The following OR6N2 variants were observed in gnomAD, a reference collection of about 807,000 sequenced individuals.
OR6N2 encodes the protein olfactory receptor family 6 subfamily N member 2.
For synonymous variants in OR6N2, 160 were observed against 138.3 expected, an observed-to-expected ratio of 1.16 and a Z score of -1.10; for missense variants, 399 against 379.7, an observed-to-expected ratio of 1.05 and a Z score of -0.42.
In OR6N2 at chr1:158,774,690, T is replaced by G. The variant is rs1657537089; in HGVS notation, c.*1992A>C. On this transcript the variant is annotated 3_prime_UTR_variant, in exon 2 of 2. Coordinates refer to ENST00000641131, the MANE Select transcript of OR6N2 (RefSeq NM_001005278.2). The stretch of plus-strand genomic sequence containing the variant: ...GAATATTATCTAGGGATAGCTTACA[T>G]GCCCACCAAAGTTTGTGAGTGAAAA... 6.7e-6 allele frequency: 1 copy of G among 149,612 alleles called. No homozygotes were observed. Among genetic ancestry groups the G allele is most frequent in the African/African-American group, 2.5e-5 (1 of 40,292 alleles). 9.3% of individuals were successfully genotyped at this position (149,612 alleles called of 1,614,324 possible).
rs1397420481 is a variant in OR6N2, at chr1:158,777,311, C to T, written c.325G>A (p.Ala109Thr). 4 of 1,614,088 alleles carry T rather than the reference C, an allele frequency of 2.5e-6. No homozygotes were observed. The South Asian group carries it at 3.3e-5, about 13-fold the overall frequency. ...GCTGTAAGAAGGTAGCATTCAGACG[C>T]TCCCAAGGAGTGGAAGAAGTAGGTC... ...LQTYFFHSLG[A>T]SECYLLTAMA... The change falls in exon 2 of 2, where the codon GCG becomes ACG. Residue 109 changes from alanine (A) to threonine (T), a missense_variant. Physicochemically the swap from Ala to Thr is moderately conservative, Grantham distance 58. Coordinates refer to ENST00000641131, the MANE Select transcript of OR6N2 (RefSeq NM_001005278.2).
In OR6N2 at chr1:158,775,471, T is replaced by C. The variant is rs549102361; in HGVS notation, c.*1211A>G. 2 of 152,334 alleles carry C rather than the reference T, an allele frequency of 1.3e-5. No homozygotes were observed. The highest frequency in any genetic ancestry group is 6.5e-5 in the Admixed American group (1 of 15,302). 9.4% of individuals were successfully genotyped at this position (152,334 alleles called of 1,614,324 possible). ...GGAAGGCAGGGAAGAATTCCGTTTA[T>C]AGCCTTATAAAGTATGGTGAGGCTT... On this transcript the variant is annotated 3_prime_UTR_variant, in exon 2 of 2. Transcript: ENST00000641131.
Position 158,775,985 on chromosome 1 carries a change from G to A in OR6N2, c.*697C>T, listed in dbSNP as rs1657583068. ...TAAATCTAAATCTCAGAGAAAAATTGTGGTTTGGAGATAAAAATTTAAGAG... is the reference window on the plus strand; with the variant it reads ...TAAATCTAAATCTCAGAGAAAAATTATGGTTTGGAGATAAAAATTTAAGAG... On this transcript the variant is annotated 3_prime_UTR_variant, in exon 2 of 2. Transcript: ENST00000641131. 6.6e-6 allele frequency: 1 copy of A among 152,138 alleles called. No homozygotes were observed. 9.4% of individuals were successfully genotyped at this position (152,138 alleles called of 1,614,324 possible).
rs374888023 is a variant in OR6N2, at chr1:158,777,636, G to A, written c.-1C>T. The A allele has an allele frequency of 6.3e-7, 1 of 1,587,940 alleles. No individual in the cohort carries two copies. On this transcript the variant is annotated 5_prime_UTR_variant, in exon 2 of 2. Coordinates refer to ENST00000641131, the MANE Select transcript of OR6N2 (RefSeq NM_001005278.2). ...GGCTTGAATGGTTGTATTGATCCAT[G>A]GGAGGCTGAGGTAAAGAAGGAAAGA... is the stretch of plus-strand genomic sequence containing the variant.
At chr1:158,778,764 C>T (rs1215416935) in intron 1 of OR6N2, among the ~76,000 whole-genome samples, 2 of 151,942 alleles carry the variant, frequency 1.3e-5, no homozygotes, top group African/African-American at 4.8e-5. Flanking sequence ...CCTGTAATCC[C>T]AGCATTTTGG....
At position 158,776,888 on chromosome 1, in the gene OR6N2, T is replaced by C. The variant is rs41273541; in HGVS notation, c.748A>G (p.Ile250Val). ...ATGAAGATGATGCTCCCAAAGAAGA[T>C]GAGGACCACAGCAAGATGTGAGGCA... ...TCASHLAVVLIFFGSIIFMYV... is the reference protein window; with the variant it reads ...TCASHLAVVLVFFGSIIFMYV... The change falls in exon 2 of 2, where the codon ATC becomes GTC. Residue 250 changes from isoleucine to valine, a missense_variant. By Grantham distance (29) the Ile-to-Val change is conservative. Transcript: ENST00000641131. 111,923 of 1,613,962 alleles carry C rather than the reference T, an allele frequency of 0.069. 7,726 individuals carry two copies. Among genetic ancestry groups the C allele is most frequent in the South Asian group, 0.27 (24,736 of 91,050 alleles).
Position 158,776,517 on chromosome 1 carries a change from G to A in OR6N2, c.*165C>T. Reference sequence around the variant, plus strand: ...CTTAAATGCTGACATAAGTGATCGAGTAAAAAATAGAAATAAAGATGTAGA... The same window carrying A: ...CTTAAATGCTGACATAAGTGATCGAATAAAAAATAGAAATAAAGATGTAGA... On this transcript the variant is annotated 3_prime_UTR_variant, in exon 2 of 2. Coordinates refer to ENST00000641131, the MANE Select transcript of OR6N2 (RefSeq NM_001005278.2). The A allele has an allele frequency of 2.0e-6, 1 of 492,344 alleles. No individual in the cohort carries two copies. Among genetic ancestry groups the A allele is most frequent in the Non-Finnish European group, 3.6e-6 (1 of 281,620 alleles). The allele number at this position is 492,344 out of a possible 1,614,324, so 30.5% of individuals were successfully genotyped here.
At position 158,777,531 on chromosome 1, in the gene OR6N2, G is replaced by C; in HGVS notation, c.105C>G (p.Tyr35Ter). 2 of 1,614,096 alleles carry C rather than the reference G, an allele frequency of 1.2e-6. No individual in the cohort carries two copies. Among genetic ancestry groups the C allele is most frequent in the Non-Finnish European group, 1.7e-6 (2 of 1,179,984 alleles). The change falls in exon 2 of 2, where the codon TAC becomes TAG. Residue 35 changes from tyrosine to a stop codon, truncating the protein, a stop_gained. Coordinates refer to ENST00000641131, the MANE Select transcript of OR6N2 (RefSeq NM_001005278.2). LOFTEE classifies it low-confidence loss of function (END_TRUNC). Reference protein sequence around the residue: ...GWLFVLLLLAYLFTICGNMLI... With the variant: ...GWLFVLLLLA ...GCATGTTACCACAGATGGTGAACAG[G>C]TATGCCAATAGCAGCAGGACAAAAA...
At position 158,776,748 on chromosome 1, in the gene OR6N2, T is replaced by A. The variant is rs749152567; in HGVS notation, c.888A>T (p.Glu296Asp). ...NPIIYSLRNK[E>D]IIKAIKRTIF... ...TGGTCCTCTTGATAGCTTTAATGAT[T>A]TCCTTGTTACGAAGACTGTAGATAA... Residue 296 changes from glutamate to aspartate, a missense_variant, in exon 2 of 2, where the codon GAA becomes GAT. By Grantham distance (45) the Glu-to-Asp change is conservative (BLOSUM62 2). Transcript: ENST00000641131. The A allele has an allele frequency of 3.3e-5, 53 of 1,613,810 alleles. No individual in the cohort carries two copies. The highest frequency in any genetic ancestry group is 5.0e-5 in the Admixed American group (3 of 59,978).
rs532930327 is a variant in OR6N2 at position 158,778,790 on chromosome 1, A to G, written c.-6-1149T>C. On this transcript the variant is annotated intron_variant, in intron 1 of 1. Coordinates refer to ENST00000641131, the MANE Select transcript of OR6N2 (RefSeq NM_001005278.2). The stretch of plus-strand genomic sequence containing the variant: ...AGCATTTTGGGAGGCTGAGGCGGGT[A>G]GATCACGAGGTCGGGAGATTGAGAC... 2.4e-3 allele frequency among the ~76,000 whole-genome samples: 371 copies of G among 151,866 alleles called. 1 individual carries two copies. Among genetic ancestry groups the G allele is most frequent in the African/African-American group, 8.5e-3 (353 of 41,364 alleles).
At chr1:158,779,643 A>C (rs2102017061) in intron 1 of OR6N2, among the ~76,000 whole-genome samples, 1 of 152,310 alleles carries the variant, frequency 6.6e-6, no homozygotes, top group African/African-American at 2.4e-5. Context: ...GAGACTGTAC[A>C]TTCACCTCTC....
chr1:158,780,251 T>C (rs1375482998), intron 1 of OR6N2, among the ~76,000 whole-genome samples: 1 of 152,210 alleles, frequency 6.6e-6, no homozygotes, highest in Admixed American at 6.5e-5. Context: ...GTTGGTAATG[T>C]TTCCCCTTTA....
rs1486187896 is a variant in OR6N2, at chr1:158,775,301, T to G, written c.*1381A>C. On this transcript the variant is annotated 3_prime_UTR_variant, in exon 2 of 2. Coordinates refer to ENST00000641131, the MANE Select transcript of OR6N2 (RefSeq NM_001005278.2). ...CAGAAAATCACACAATTAGGAGGAG[T>G]GAACCAAATGAAATGTTGGGGAAAA... 1 of 151,832 alleles carries G rather than the reference T, an allele frequency of 6.6e-6. No individual in the cohort carries two copies. Among genetic ancestry groups the G allele is most frequent in the African/African-American group, 2.4e-5 (1 of 41,324 alleles). The allele number at this position is 151,832 out of a possible 1,614,324, so 9.4% of individuals were successfully genotyped here. A position where few individuals can be genotyped will look rare whatever the true frequency, so the allele number is the denominator to read the frequency against.
At chr1:158,777,866 T>C (rs1022304151) in intron 1 of OR6N2, among the ~76,000 whole-genome samples, 5 of 152,242 alleles carry the variant, frequency 3.3e-5, no homozygotes, top group Admixed American at 2.6e-4. Flanking sequence ...TTTACTTAAT[T>C]TTTATACTTC....
intron 1 of OR6N2, among the ~76,000 whole-genome samples, chr1:158,780,717 A>G (rs1289172495): frequency 6.6e-6 from 1 of 152,230 alleles, no homozygotes; most frequent in Non-Finnish European, 1.5e-5. Flanking sequence ...TGTAAAGTAG[A>G]AAAATTGTAA....
In OR6N2 at chr1:158,774,435, A is replaced by T. The variant is rs1657527925; in HGVS notation, c.*2247T>A. 6.6e-6 allele frequency: 1 copy of T among 152,158 alleles called. No individual in the cohort carries two copies. Among genetic ancestry groups the T allele is most frequent in the Admixed American group, 6.5e-5 (1 of 15,272 alleles). The allele number at this position is 152,158 out of a possible 1,614,324, so 9.4% of individuals were successfully genotyped here. A position where few individuals can be genotyped will look rare whatever the true frequency, so the allele number is the denominator to read the frequency against. On this transcript the variant is annotated 3_prime_UTR_variant, in exon 2 of 2. Coordinates refer to ENST00000641131, the MANE Select transcript of OR6N2 (RefSeq NM_001005278.2). ...GAAACAGAAGCCTGGGGTTCATCAC[A>T]AGCCCATTCCCACAGCTCAGGAAAG...
chr1:158,777,253 C>G lies in OR6N2; in HGVS notation c.383G>C (p.Arg128Pro), dbSNP rs140526095. 8,411 of 1,613,978 alleles carry G rather than the reference C, an allele frequency of 5.2e-3. 31 individuals are homozygous for G. Among genetic ancestry groups the G allele is most frequent in the Non-Finnish European group, 6.0e-3 (7,065 of 1,180,002 alleles). ...CATAATTATAGGGTAGTGGAGGGGCCGACAAATGGCCAGGTATCTATCATA... is the reference window on the plus strand; with the variant it reads ...CATAATTATAGGGTAGTGGAGGGGCGGACAAATGGCCAGGTATCTATCATA... The part of the protein sequence containing the change: ...MAYDRYLAIC[R>P]PLHYPIIMTT... The change falls in exon 2 of 2, where the codon CGG becomes CCG. Residue 128 changes from arginine (R) to proline (P), a missense_variant. Physicochemically the swap from Arg to Pro is moderately radical, Grantham distance 103. Transcript: ENST00000641131.
rs545610061 is a variant in OR6N2, at chr1:158,775,396, G to A, written c.*1286C>T. The A allele has an allele frequency of 3.9e-5, 6 of 152,258 alleles. No homozygotes were observed. The highest frequency in any genetic ancestry group is 3.9e-4 in the Admixed American group (6 of 15,286). 9.4% of individuals were successfully genotyped at this position (152,258 alleles called of 1,614,324 possible). On this transcript the variant is annotated 3_prime_UTR_variant, in exon 2 of 2. Coordinates refer to ENST00000641131, the MANE Select transcript of OR6N2 (RefSeq NM_001005278.2). ...GAAGACCTGAAAGAGTAATCATGTA[G>A]CTAGGAAAGAGGGAGCTGAGGGAGT... is the stretch of plus-strand genomic sequence containing the variant.
chr1:158,776,854 C>A lies in OR6N2; in HGVS notation c.782G>T (p.Arg261Leu), dbSNP rs141853976. The A allele has an allele frequency of 1.1e-5, 18 of 1,613,968 alleles. No individual in the cohort carries two copies. Among genetic ancestry groups the A allele is most frequent in the Non-Finnish European group, 1.4e-5 (17 of 1,180,028 alleles). The change falls in exon 2 of 2, where the codon CGG becomes CTG. Residue 261 changes from arginine (R) to leucine (L), a missense_variant. Transcript: ENST00000641131. ...GGTCAGGGAATAGCTCTTCTTTAGC[C>A]GCACATACATGAAGATGATGCTCCC... The part of the protein sequence containing the change: ...FFGSIIFMYV[R>L]LKKSYSLTLD...
Sources: allele counts gnomAD v4.1 joint callset (sites outside exome capture counted in the v4.1 genomes callset), GRCh38; gene constraint gnomAD v4.1.1; transcripts MANE v1.5; gene names NCBI Gene and HGNC (gene_info 2026-07-23, HGNC 2026-07-21).